The following SVOPL variants were observed in gnomAD, a reference collection of about 807,000 sequenced individuals.
SVOPL encodes the protein SVOP like.
Under a neutral mutation model 61.0 loss-of-function variants are expected in SVOPL, and 60 were observed. The observed-to-expected ratio is 0.98, with a 90% CI of 0.80 to 1.22. The LOEUF (loss-of-function observed/expected upper bound fraction) is 1.22. SVOPL is among the 50% of genes most tolerant of loss of function. SVOPL has a pLI of 0.00. For synonymous variants in SVOPL, 279 were observed against 250.0 expected (o/e 1.12, Z -1.09); for missense variants, 662 against 643.9 (o/e 1.03, Z -0.30).
intron 1 of SVOPL, among the ~76,000 whole-genome samples, chr7:138,700,289 G>A (rs1163403902): frequency 6.6e-6 from 1 of 150,908 alleles, no homozygotes; most frequent in African/African-American, 2.4e-5. Flanking sequence ...GCAATGGAAT[G>A]CTGGAAAGGC....
chr7:138,656,671 A>T (rs1180161048), intron 6 of SVOPL, among the ~76,000 whole-genome samples, 160 bp from the exon 7 acceptor site: 1 of 152,208 alleles, frequency 6.6e-6, no homozygotes, highest in Non-Finnish European at 1.5e-5. Flanking sequence ...CACATAAGAG[A>T]ACAGTAAGAA....
intron 8 of SVOPL, among the ~76,000 whole-genome samples, chr7:138,647,274 T>C (rs911380670): frequency 6.6e-6 from 1 of 151,824 alleles, no homozygotes; most frequent in Admixed American, 6.6e-5. Context: ...CCAGCTACTC[T>C]GGAGGCTGAG....
intron 4 of SVOPL, among the ~76,000 whole-genome samples, chr7:138,666,968 A>G (rs1322294106): frequency 6.6e-6 from 1 of 152,204 alleles, no homozygotes; most frequent in East Asian, 1.9e-4. Context: ...CAGGCTTGCA[A>G]ATCACTATTG....
intron 8 of SVOPL, among the ~76,000 whole-genome samples, chr7:138,648,533 C>CA (rs61171485): frequency 0.076 from 5,533 of 73,282 alleles, 67 homozygotes; most frequent in East Asian, 0.18. Context: ...ACTAAAAATC[C>CA]AAAAAAAAAA....
intron 4 of SVOPL, 73 bp downstream of exon 4, chr7:138,671,946 G>C (rs1802429754): frequency 7.2e-7 from 1 of 1,393,212 alleles, no homozygotes; most frequent in African/African-American, 1.4e-5. Context: ...TTGGCTCTCA[G>C]CCCTGCAGGA....
intron 7 of SVOPL, among the ~76,000 whole-genome samples, chr7:138,651,637 A>G (rs1304433401): frequency 6.6e-6 from 1 of 152,130 alleles, no homozygotes; most frequent in Non-Finnish European, 1.5e-5. Context: ...TGCATCTGTT[A>G]TGGTAGTCTG....
intron 9 of SVOPL, among the ~76,000 whole-genome samples, chr7:138,641,811 A>G (rs1448371415): frequency 3.1e-5 from 1 of 32,214 alleles, no homozygotes; most frequent in Non-Finnish European, 6.4e-5. Flanking sequence ...AAATATATAT[A>G]TGTTATATAT....
chr7:138,599,947 T>C (rs182937750), intron 14 of SVOPL, among the ~76,000 whole-genome samples: 1 of 150,848 alleles, frequency 6.6e-6, no homozygotes, highest in East Asian at 1.9e-4. Context: ...ACTGAAAGCC[T>C]CTGAACTTTC....
At chr7:138,651,868 C>A (rs1451764791) in intron 7 of SVOPL, among the ~76,000 whole-genome samples, 1 of 152,122 alleles carries the variant, frequency 6.6e-6, no homozygotes, top group African/African-American at 2.4e-5. Flanking sequence ...CTATAGTGGT[C>A]TCTAAGTGTT....
chr7:138,650,232 G>A (rs185812095), intron 7 of SVOPL, among the ~76,000 whole-genome samples: 376 of 152,286 alleles, frequency 2.5e-3, no homozygotes, highest in African/African-American at 8.5e-3. Context: ...GTTCACTGAT[G>A]GACGTTTCGA....
At chr7:138,632,349 G>A (rs999325871) in intron 9 of SVOPL, among the ~76,000 whole-genome samples, 43 of 152,176 alleles carry the variant, frequency 2.8e-4, no homozygotes, top group African/African-American at 9.9e-4. Context: ...CAGGAGACTC[G>A]CTTGAACCTG....
intron 14 of SVOPL, among the ~76,000 whole-genome samples, chr7:138,604,676 T>C (rs1293854898): frequency 6.1e-4 from 5 of 8,182 alleles, no homozygotes; most frequent in South Asian, 2.2e-3. Context: ...AAACTTTATC[T>C]CAAAAAAAAA....
In SVOPL at chr7:138,644,712, C is replaced by G. The variant is rs1263782574; in HGVS notation, c.789+5G>C. On this transcript the variant is annotated splice_donor_5th_base_variant and intron_variant, in intron 9 of 15. Coordinates refer to ENST00000674285, the MANE Select transcript of SVOPL (RefSeq NM_001139456.2). Reference sequence around the variant, plus strand: ...TAGGAGAAGACCTCGGGGGCCAGCACTCACCAGGACGGGCTCCACCAGCTT... The same window carrying G: ...TAGGAGAAGACCTCGGGGGCCAGCAGTCACCAGGACGGGCTCCACCAGCTT... 6.2e-7 allele frequency: 1 copy of G among 1,613,870 alleles called. No homozygotes were observed. The highest frequency in any genetic ancestry group is 8.5e-7 in the Non-Finnish European group (1 of 1,179,920).
At chr7:138,674,005 CA>C (rs1473369751) in intron 3 of SVOPL, among the ~76,000 whole-genome samples, 1 of 150,878 alleles carries the variant, frequency 6.6e-6, no homozygotes, top group African/African-American at 2.4e-5. Context: ...GCCAACATGG[CA>C]AAACCCTGTC....
In SVOPL at chr7:138,693,596, GGAAA is replaced by G. The variant is rs1248713310; in HGVS notation, c.-35+7578_-35+7581del. Among the ~76,000 whole-genome samples the G allele has an allele frequency of 1.7e-4, 21 of 122,454 alleles. No homozygotes were observed. In the East Asian group the frequency reaches 3.7e-3, roughly 21 times the overall value. 80.3% of individuals were successfully genotyped at this position (122,454 alleles called of 152,430 possible). On this transcript the variant is annotated intron_variant, in intron 1 of 15. Coordinates refer to ENST00000674285, the MANE Select transcript of SVOPL (RefSeq NM_001139456.2). Reference sequence around the variant, plus strand: ...AAGAAAAAAGGAAAGAAAGAAAAAAGGAAAGAAAGAAAAAAGAAAGAAAGAAAAA... The same window carrying G: ...AAGAAAAAAGGAAAGAAAGAAAAAAGGAAAGAAAAAAGAAAGAAAGAAAAA...
At chr7:138,684,148 C>G (rs910963226) in intron 1 of SVOPL, among the ~76,000 whole-genome samples, 2 of 151,400 alleles carry the variant, frequency 1.3e-5, no homozygotes, top group East Asian at 3.9e-4. Flanking sequence ...GCAGATCACC[C>G]GAGGTCAGGA....
At chr7:138,659,488 T>C (rs1021375134) in intron 6 of SVOPL, among the ~76,000 whole-genome samples, 6 of 116,240 alleles carry the variant, frequency 5.2e-5, no homozygotes, top group African/African-American at 1.5e-4. Flanking sequence ...CCAGACTCTA[T>C]CTCGAAAAAA....
chr7:138,630,680 C>T (rs545989779), intron 9 of SVOPL, among the ~76,000 whole-genome samples: 62 of 152,232 alleles, frequency 4.1e-4, no homozygotes, highest in African/African-American at 1.4e-3. Context: ...TGGGGGCTCA[C>T]GCCTGTAATC....
At chr7:138,648,977 G>A (rs1291331478) in intron 8 of SVOPL, 35 bp downstream of exon 8, 2 of 1,612,654 alleles carry the variant, frequency 1.2e-6, no homozygotes, top group African/African-American at 1.3e-5. Context: ...CCAGCAGGAG[G>A]AGGGGACAGG....
Sources: allele counts gnomAD v4.1 joint callset (sites outside exome capture counted in the v4.1 genomes callset), GRCh38; gene constraint gnomAD v4.1.1; transcripts MANE v1.5; gene names NCBI Gene and HGNC (gene_info 2026-07-23, HGNC 2026-07-21).